The following CDK5R2 variants were observed in gnomAD, a reference collection of about 807,000 sequenced individuals.
The protein encoded by CDK5R2 is cyclin-dependent kinase 5 activator 2.
A neutral mutation model predicts 23.1 loss-of-function variants in CDK5R2; 7 were observed. That is an observed-to-expected ratio of 0.30 (90% CI 0.17 to 0.57). The LOEUF (loss-of-function observed/expected upper bound fraction) is 0.57, where lower values mean the gene tolerates loss of function less well. Ranked by LOEUF, CDK5R2 falls within the 20% of genes least tolerant of loss-of-function variation. The pLI, the probability that CDK5R2 is intolerant of heterozygous loss-of-function variation, is 0.91. For synonymous variants in CDK5R2, 242 were observed against 264.9 expected (o/e 0.91, Z 0.84); for missense variants, 380 against 537.6 (o/e 0.71, Z 2.90).
Position 218,960,766 on chromosome 2 carries a change from C to A in CDK5R2, c.946C>A (p.His316Asn). The change falls in exon 1 of 1, where the codon CAC becomes AAC. Residue 316 changes from histidine to asparagine, a missense_variant. Physicochemically the swap from His to Asn is moderately conservative, Grantham distance 68. Coordinates refer to ENST00000302625, the MANE Select transcript of CDK5R2 (RefSeq NM_003936.5). ...PQMLRLNADPHFFTQVFQDLK... is the reference protein window; with the variant it reads ...PQMLRLNADPNFFTQVFQDLK... Reference sequence around the variant, plus strand: ...GATGCTGCGGCTCAACGCCGACCCCCACTTCTTCACGCAGGTCTTTCAAGA... The same window carrying A: ...GATGCTGCGGCTCAACGCCGACCCCAACTTCTTCACGCAGGTCTTTCAAGA... 1.2e-6 allele frequency: 2 copies of A among 1,613,656 alleles called. No homozygotes were observed. The highest frequency in any genetic ancestry group is 1.7e-6 in the Non-Finnish European group (2 of 1,179,864).
In CDK5R2 at chr2:218,960,834, A is replaced by G; in HGVS notation, c.1014A>G (p.Pro338=). 1 of 1,548,864 alleles carries G rather than the reference A, an allele frequency of 6.5e-7. No homozygotes were observed. The highest frequency in any genetic ancestry group is 8.6e-7 in the Non-Finnish European group (1 of 1,157,452). ...EGEAAASGGG[P]PSGGAPAASS... is the part of the protein sequence containing the mutation. ...AGGCCGCCGCCAGCGGCGGGGGCCC[A>G]CCGAGCGGGGGCGCGCCCGCCGCCT... Residue 338 remains proline (P), a synonymous_variant, in exon 1 of 1, where the codon CCA becomes CCG. Coordinates refer to ENST00000302625, the MANE Select transcript of CDK5R2 (RefSeq NM_003936.5).
chr2:218,959,671 A>T lies in CDK5R2; in HGVS notation c.-150A>T. On this transcript the variant is annotated 5_prime_UTR_variant, in exon 1 of 1. Coordinates refer to ENST00000302625, the MANE Select transcript of CDK5R2 (RefSeq NM_003936.5). The surrounding 1 kb of genome is among the most constrained non-coding windows in gnomAD (Gnocchi z 4.0). ...AGCTGGCGCAGCTCAGGATTAGAGC[A>T]GCGGAGCCGCCTAGCAGCCACCTTC... 2 of 957,444 alleles carry T rather than the reference A, an allele frequency of 2.1e-6. No individual in the cohort carries two copies. Among genetic ancestry groups the T allele is most frequent in the Non-Finnish European group, 2.7e-6 (2 of 749,050 alleles). The allele number at this position is 957,444 out of a possible 1,614,324, so 59.3% of individuals were successfully genotyped here. A position where few individuals can be genotyped will look rare whatever the true frequency, so the allele number is the denominator to read the frequency against.
chr2:218,960,351 C>A lies in CDK5R2; in HGVS notation c.531C>A (p.Val177=). 6.6e-7 allele frequency: 1 copy of A among 1,518,980 alleles called. No homozygotes were observed. The highest frequency in any genetic ancestry group is 1.2e-5 in the South Asian group (1 of 82,750). 94.1% of individuals were successfully genotyped at this position (1,518,980 alleles called of 1,614,324 possible). A position where few individuals can be genotyped will look rare whatever the true frequency, so the allele number is the denominator to read the frequency against. ...TGCCTGGCGGCTCGCCGCGGCGGGT[C>A]ATCGTGCAGGCGTCCACCGGCGAGC... The part of the protein sequence containing the change: ...PPVPGGSPRR[V]IVQASTGELL... Residue 177 remains valine (V), a synonymous_variant, in exon 1 of 1, where the codon GTC becomes GTA. Transcript: ENST00000302625.
At position 218,960,145 on chromosome 2, in the gene CDK5R2, C is replaced by T. The variant is rs748109859; in HGVS notation, c.325C>T (p.Arg109Trp). ...CCGCGAGAACCTTCTCCGCAAGGGC[C>T]GGGATCCCCCCGACGGCGGCGGCAC... ...RNRENLLRKGRDPPDGGGTAK... is the reference protein window; with the variant it reads ...RNRENLLRKGWDPPDGGGTAK... The change falls in exon 1 of 1, where the codon CGG becomes TGG. Residue 109 changes from arginine to tryptophan, a missense_variant. Coordinates refer to ENST00000302625, the MANE Select transcript of CDK5R2 (RefSeq NM_003936.5). 1 of 1,570,442 alleles carries T rather than the reference C, an allele frequency of 6.4e-7. No individual in the cohort carries two copies. The highest frequency in any genetic ancestry group is 1.2e-5 in the South Asian group (1 of 86,326).
chr2:218,960,852 C>T lies in CDK5R2; in HGVS notation c.1032C>T (p.Pro344=). The change falls in exon 1 of 1, where the codon CCC becomes CCT. Residue 344 remains proline, a synonymous_variant. Coordinates refer to ENST00000302625, the MANE Select transcript of CDK5R2 (RefSeq NM_003936.5). ...SGGGPPSGGA[P]AASSAARDSC... Reference sequence around the variant, plus strand: ...GGGGCCCACCGAGCGGGGGCGCGCCCGCCGCCTCCTCGGCCGCCAGGGACA... The same window carrying T: ...GGGGCCCACCGAGCGGGGGCGCGCCTGCCGCCTCCTCGGCCGCCAGGGACA... The T allele has an allele frequency of 7.3e-6, 11 of 1,499,254 alleles. No individual in the cohort carries two copies. The highest frequency in any genetic ancestry group is 8.8e-6 in the Non-Finnish European group (10 of 1,136,940). 92.9% of individuals were successfully genotyped at this position (1,499,254 alleles called of 1,614,324 possible).
rs1945204840 is a variant in CDK5R2, at chr2:218,961,350, C to G, written c.*426C>G. The G allele has an allele frequency of 5.6e-6, 1 of 177,962 alleles. No homozygotes were observed. Among genetic ancestry groups the G allele is most frequent in the African/African-American group, 2.4e-5 (1 of 41,698 alleles). 11.0% of individuals were successfully genotyped at this position (177,962 alleles called of 1,614,324 possible). On this transcript the variant is annotated 3_prime_UTR_variant, in exon 1 of 1. Transcript: ENST00000302625. This position sits in a 1 kb window ranked among gnomAD's most constrained non-coding sequence, Gnocchi z 4.4. ...GTTCCTCTCTTTCTTCCTCCCTCTCCCTGCCTTTCCATTTTCCGTTCCTTG... is the reference window on the plus strand; with the variant it reads ...GTTCCTCTCTTTCTTCCTCCCTCTCGCTGCCTTTCCATTTTCCGTTCCTTG...
At position 218,960,600 on chromosome 2, in the gene CDK5R2, C is replaced by T. The variant is rs768379674; in HGVS notation, c.780C>T (p.Ala260=). The change falls in exon 1 of 1, where the codon GCC becomes GCT. Residue 260 remains alanine, a synonymous_variant. Coordinates refer to ENST00000302625, the MANE Select transcript of CDK5R2 (RefSeq NM_003936.5). The stretch of plus-strand genomic sequence containing the variant: ...TGGCGTCGGCCGCCGAGCTGCAGGC[C>T]GCCTTCCTCACCTGCCTCTACCTCG... ...DELASAAELQ[A]AFLTCLYLAY... 6.2e-7 allele frequency: 1 copy of T among 1,613,966 alleles called. No homozygotes were observed. The highest frequency in any genetic ancestry group is 1.3e-5 in the African/African-American group (1 of 75,036).
Position 218,960,240 on chromosome 2 carries a change from G to A in CDK5R2, c.420G>A (p.Gly140=), listed in dbSNP as rs1197299933. 7 of 1,297,384 alleles carry A rather than the reference G, an allele frequency of 5.4e-6. No individual in the cohort carries two copies. The highest frequency in any genetic ancestry group is 6.8e-6 in the Non-Finnish European group (7 of 1,029,956). The allele number at this position is 1,297,384 out of a possible 1,614,324, so 80.4% of individuals were successfully genotyped here. A position where few individuals can be genotyped will look rare whatever the true frequency, so the allele number is the denominator to read the frequency against. ...AAAATCEPPS[G]GSAAAQPPGS... is the part of the protein sequence containing the mutation. ...CCGCCACCTGCGAGCCACCGTCGGG[G>A]GGCAGCGCGGCCGCTCAGCCGCCGG... is the stretch of plus-strand genomic sequence containing the variant. The change falls in exon 1 of 1, where the codon GGG becomes GGA. Residue 140 remains glycine, a synonymous_variant. Transcript: ENST00000302625.
chr2:218,960,048 G>T lies in CDK5R2; in HGVS notation c.228G>T (p.Lys76Asn). 3 of 1,602,032 alleles carry T rather than the reference G, an allele frequency of 1.9e-6. No homozygotes were observed. The highest frequency in any genetic ancestry group is 2.3e-5 in the East Asian group (1 of 43,960). Residue 76 changes from lysine (K) to asparagine (N), a missense_variant, in exon 1 of 1, where the codon AAG becomes AAT. Lys to Asn is a moderately conservative substitution (Grantham distance 94). Transcript: ENST00000302625. Reference sequence around the variant, plus strand: ...GCCTGGTGGCCGCGTCCGCCAAGAAGAAGAAAGGCAGCAAGAAGGTGACAC... The same window carrying T: ...GCCTGGTGGCCGCGTCCGCCAAGAATAAGAAAGGCAGCAAGAAGGTGACAC... ...WKRLVAASAK[K>N]KKGSKKVTPK...
In CDK5R2 at chr2:218,960,765, C is replaced by T. The variant is rs757381329; in HGVS notation, c.945C>T (p.Pro315=). The T allele has an allele frequency of 1.9e-6, 3 of 1,613,806 alleles. No individual in the cohort carries two copies. The highest frequency in any genetic ancestry group is 2.2e-5 in the South Asian group (2 of 91,078). The change falls in exon 1 of 1, where the codon CCC becomes CCT. Residue 315 remains proline, a synonymous_variant. Coordinates refer to ENST00000302625, the MANE Select transcript of CDK5R2 (RefSeq NM_003936.5). ...SPQMLRLNAD[P]HFFTQVFQDL... is the part of the protein sequence containing the mutation. ...AGATGCTGCGGCTCAACGCCGACCC[C>T]CACTTCTTCACGCAGGTCTTTCAAG... is the stretch of plus-strand genomic sequence containing the variant.
At position 218,961,297 on chromosome 2, in the gene CDK5R2, CCT is replaced by C. The variant is rs369265011; in HGVS notation, c.*387_*388del. 357 of 205,636 alleles carry C rather than the reference CCT, an allele frequency of 1.7e-3. No individual in the cohort carries two copies. Among genetic ancestry groups the C allele is most frequent in the Middle Eastern group, 5.1e-3 (3 of 588 alleles). The allele number at this position is 205,636 out of a possible 1,614,324, so 12.7% of individuals were successfully genotyped here. A position where few individuals can be genotyped will look rare whatever the true frequency, so the allele number is the denominator to read the frequency against. On this transcript the variant is annotated 3_prime_UTR_variant, in exon 1 of 1. Transcript: ENST00000302625. This position sits in a 1 kb window ranked among gnomAD's most constrained non-coding sequence, Gnocchi z 4.4. The stretch of plus-strand genomic sequence containing the variant: ...CTTCATTTTTCCTCCTGTCTGCATT[CCT>C]CTCTCTCTCTCTCCCTCTCTCTCCT...
At position 218,960,024 on chromosome 2, in the gene CDK5R2, C is replaced by A; in HGVS notation, c.204C>A (p.Arg68=). The stretch of plus-strand genomic sequence containing the variant: ...TCATCTCGGCGCTCACCTGGAAGCG[C>A]CTGGTGGCCGCGTCCGCCAAGAAGA... The part of the protein sequence containing the change: ...SVLISALTWK[R]LVAASAKKKK... The change falls in exon 1 of 1, where the codon CGC becomes CGA. Residue 68 remains arginine, a synonymous_variant. Coordinates refer to ENST00000302625, the MANE Select transcript of CDK5R2 (RefSeq NM_003936.5). 4 of 1,592,516 alleles carry A rather than the reference C, an allele frequency of 2.5e-6. No homozygotes were observed. The highest frequency in any genetic ancestry group is 3.4e-6 in the Non-Finnish European group (4 of 1,171,274).
Position 218,959,933 on chromosome 2 carries a change from G to T in CDK5R2, c.113G>T (p.Gly38Val), listed in dbSNP as rs1945189360. Residue 38 changes from glycine to valine, a missense_variant, in exon 1 of 1, where the codon GGC (glycine) becomes GTC (valine). This residue lies in a region of CDK5R2 where 197 missense variants were observed against 246.4 expected (regional missense o/e 0.80). Transcript: ENST00000302625. The surrounding 1 kb of genome is among the most constrained non-coding windows in gnomAD (Gnocchi z 4.0). ...CCCGCGGGGGACGAGGCGCTGGGGG[G>T]CTACGGGGCGCCGCCAGTGGGCAAG... ...APPAGDEALG[G>V]YGAPPVGKGG... The T allele has an allele frequency of 1.3e-6, 2 of 1,512,382 alleles. No individual in the cohort carries two copies. The highest frequency in any genetic ancestry group is 2.2e-5 in the Admixed American group (1 of 45,754). 93.7% of individuals were successfully genotyped at this position (1,512,382 alleles called of 1,614,324 possible). A position where few individuals can be genotyped will look rare whatever the true frequency, so the allele number is the denominator to read the frequency against.
chr2:218,960,954 C>T lies in CDK5R2; in HGVS notation c.*30C>T. 8.4e-7 allele frequency: 1 copy of T among 1,183,802 alleles called. No individual in the cohort carries two copies. Among genetic ancestry groups the T allele is most frequent in the Non-Finnish European group, 1.1e-6 (1 of 880,922 alleles). 73.3% of individuals were successfully genotyped at this position (1,183,802 alleles called of 1,614,324 possible). A position where few individuals can be genotyped will look rare whatever the true frequency, so the allele number is the denominator to read the frequency against. On this transcript the variant is annotated 3_prime_UTR_variant, in exon 1 of 1. Transcript: ENST00000302625. ...ACCCAGGGGCCGCGCCCATCCCCCG[C>T]CCCAGCCCCTGACACACACTCGGAC...
chr2:218,960,584 C>G lies in CDK5R2; in HGVS notation c.764C>G (p.Ala255Gly), dbSNP rs1185053207. ...CTGCGTGGGGACGAGCTGGCGTCGGCCGCCGAGCTGCAGGCCGCCTTCCTC... is the reference window on the plus strand; with the variant it reads ...CTGCGTGGGGACGAGCTGGCGTCGGGCGCCGAGCTGCAGGCCGCCTTCCTC... ...ESLRGDELAS[A>G]AELQAAFLTC... The change falls in exon 1 of 1, where the codon GCC (alanine) becomes GGC (glycine). Residue 255 changes from alanine (A) to glycine (G), a missense_variant. Around this residue, in one of 3 missense-constraint regions of CDK5R2, gnomAD observed 124 missense variants for 235.5 expected, o/e 0.53. Coordinates refer to ENST00000302625, the MANE Select transcript of CDK5R2 (RefSeq NM_003936.5). 1 of 1,613,832 alleles carries G rather than the reference C, an allele frequency of 6.2e-7. No individual in the cohort carries two copies. The highest frequency in any genetic ancestry group is 8.5e-7 in the Non-Finnish European group (1 of 1,179,916).
rs1945189967 is a variant in CDK5R2, at chr2:218,959,969, G to A, written c.149G>A (p.Gly50Asp). The A allele has an allele frequency of 1.3e-6, 2 of 1,553,394 alleles. No homozygotes were observed. Among genetic ancestry groups the A allele is most frequent in the African/African-American group, 1.4e-5 (1 of 72,076 alleles). The change falls in exon 1 of 1, where the codon GGC becomes GAC. Residue 50 changes from glycine to aspartate, a missense_variant. Physicochemically the swap from Gly to Asp is moderately conservative, Grantham distance 94 (BLOSUM62 -1). Transcript: ENST00000302625. The surrounding 1 kb of genome is among the most constrained non-coding windows in gnomAD (Gnocchi z 4.0). ...GAPPVGKGGK[G>D]ESRLKRPSVL... ...CCGCCAGTGGGCAAGGGCGGCAAAG[G>A]CGAGAGCCGACTCAAGCGGCCGTCC...
At position 218,960,102 on chromosome 2, in the gene CDK5R2, C is replaced by T; in HGVS notation, c.282C>T (p.Pro94=). Residue 94 remains proline (P), a synonymous_variant, in exon 1 of 1, where the codon CCC becomes CCT. Coordinates refer to ENST00000302625, the MANE Select transcript of CDK5R2 (RefSeq NM_003936.5). ...AGCCGGCATCCACGGGCCCCGACCC[C>T]CTGGTCCAGCAACGCAACCGCGAGA... ...TPKPASTGPD[P]LVQQRNRENL... 1 of 1,600,478 alleles carries T rather than the reference C, an allele frequency of 6.2e-7. No homozygotes were observed. Among genetic ancestry groups the T allele is most frequent in the Non-Finnish European group, 8.5e-7 (1 of 1,174,754 alleles).
In CDK5R2 at chr2:218,960,480, G is replaced by A; in HGVS notation, c.660G>A (p.Leu220=). The change falls in exon 1 of 1, where the codon CTG becomes CTA. Residue 220 remains leucine (L), a synonymous_variant. Coordinates refer to ENST00000302625, the MANE Select transcript of CDK5R2 (RefSeq NM_003936.5). Reference sequence around the variant, plus strand: ...GGTTCCGCGGTGTGGACCGCTCGCTGCTGCTGCAGGGCTGGCAAGACCAGG... The same window carrying A: ...GGTTCCGCGGTGTGGACCGCTCGCTACTGCTGCAGGGCTGGCAAGACCAGG... ...VGWFRGVDRS[L]LLQGWQDQAF... The A allele has an allele frequency of 1.9e-6, 3 of 1,613,598 alleles. No homozygotes were observed. The highest frequency in any genetic ancestry group is 2.5e-6 in the Non-Finnish European group (3 of 1,179,904).
chr2:218,961,111 T>C lies in CDK5R2; in HGVS notation c.*187T>C, dbSNP rs1224726059. ...CAGAGGCCGCGGTGTTTGGATTTGC[T>C]GGGCGTGGAGTGGGGACGGAAGATG... On this transcript the variant is annotated 3_prime_UTR_variant, in exon 1 of 1. Transcript: ENST00000302625. This position sits in a 1 kb window ranked among gnomAD's most constrained non-coding sequence, Gnocchi z 4.4. 1.4e-5 allele frequency: 6 copies of C among 440,584 alleles called. No homozygotes were observed. The highest frequency in any genetic ancestry group is 5.7e-4 in the Middle Eastern group (1 of 1,760). 27.3% of individuals were successfully genotyped at this position (440,584 alleles called of 1,614,324 possible). A position where few individuals can be genotyped will look rare whatever the true frequency, so the allele number is the denominator to read the frequency against.
Sources: gnomAD v4.1 joint callset for allele counts on GRCh38, gnomAD v4.1.1 for gene constraint, gnomAD v4.1.1 regional missense constraint, Gnocchi (gnomAD v3.1) non-coding constraint, MANE v1.5 for transcripts, NCBI Gene and HGNC (gene_info 2026-07-23, HGNC 2026-07-21) for gene names.